The following ERC2 variants were observed in gnomAD, a reference collection of about 807,000 sequenced individuals.
ERC2 encodes the protein ELKS/RAB6-interacting/CAST family member 2.
Under a neutral mutation model 114.8 loss-of-function variants are expected in ERC2, and 42 were observed. The observed-to-expected ratio is 0.37, with a 90% CI of 0.29 to 0.47. The LOEUF is 0.47. ERC2 is among the 20% of genes least tolerant of loss of function. The pLI is 0.99. For missense variants in ERC2, 939 were observed against 1,150.7 expected (o/e 0.82, Z 2.66); for synonymous variants, 454 against 425.5 (o/e 1.07, Z -0.82).
At chr3:55,948,387 C>T (rs569416788) in intron 13 of ERC2, among the ~76,000 whole-genome samples, 1 of 152,282 alleles carries the variant, frequency 6.6e-6, no homozygotes, top group South Asian at 2.1e-4. Flanking sequence ...AACAGGCTAA[C>T]TTGTAAACAG....
At position 55,643,556 on chromosome 3, in the gene ERC2, G is replaced by A. The variant is rs569342900; in HGVS notation, c.*39+40238C>T. 6.6e-5 allele frequency among the ~76,000 whole-genome samples: 10 copies of A among 152,184 alleles called. No homozygotes were observed. The East Asian group carries it at 9.7e-4, about 15-fold the overall frequency. On this transcript the variant is annotated intron_variant, in intron 17 of 17. Transcript: ENST00000288221. ...GGCAAGCCACTCAATCTGTCTGTACGTCACTTTCCTCGTCTGTAAGATGGA... is the reference window on the plus strand; with the variant it reads ...GGCAAGCCACTCAATCTGTCTGTACATCACTTTCCTCGTCTGTAAGATGGA...
chr3:56,065,175 C>A (rs1277797380), intron 7 of ERC2, among the ~76,000 whole-genome samples: 5 of 152,058 alleles, frequency 3.3e-5, no homozygotes, highest in African/African-American at 9.7e-5. Context: ...TTTAAATAAT[C>A]CGGGTCCCCC....
At chr3:55,698,140 T>C (rs930579513) in intron 16 of ERC2, among the ~76,000 whole-genome samples, 9 of 152,034 alleles carry the variant, frequency 5.9e-5, no homozygotes, top group Admixed American at 3.9e-4. Flanking sequence ...TCATGCCCTG[T>C]CTGTACTTGG....
At chr3:56,067,482 T>A (rs2076535229) in intron 7 of ERC2, among the ~76,000 whole-genome samples, 1 of 152,214 alleles carries the variant, frequency 6.6e-6, no homozygotes. Context: ...TATAGGATCA[T>A]GTCATCTGCA....
intron 7 of ERC2, among the ~76,000 whole-genome samples, chr3:56,046,517 C>G (rs1272970979): frequency 2.0e-5 from 3 of 152,200 alleles, no homozygotes; most frequent in Admixed American, 6.5e-5. Context: ...TCACCAGTTA[C>G]TTATGACAAT....
intron 2 of ERC2, among the ~76,000 whole-genome samples, chr3:56,312,341 G>T (rs970044744): frequency 5.3e-5 from 8 of 152,196 alleles, no homozygotes; most frequent in Admixed American, 2.6e-4. Context: ...TGAAAAGGAA[G>T]ATGAGGAGAG....
At chr3:56,432,227 T>C (rs1217675350) in intron 2 of ERC2, among the ~76,000 whole-genome samples, 1 of 152,152 alleles carries the variant, frequency 6.6e-6, no homozygotes, top group African/African-American at 2.4e-5. Flanking sequence ...AATATACATG[T>C]ATAATTGGGG....
rs939915791 is a variant in ERC2 at position 56,173,484 on chromosome 3, C to T, written c.1111G>A (p.Ala371Thr). The T allele has an allele frequency of 1.2e-6, 2 of 1,613,952 alleles. No homozygotes were observed. Among genetic ancestry groups the T allele is most frequent in the Non-Finnish European group, 1.7e-6 (2 of 1,179,852 alleles). The change falls in exon 4 of 18, where the codon GCC becomes ACC. Residue 371 changes from alanine to threonine, a missense_variant. Around this residue, in one of 5 missense-constraint regions of ERC2, gnomAD observed 148 missense variants for 159.1 expected, o/e 0.93. Transcript: ENST00000288221. ...ACAGTCTGGAGAGCCTTCGTCTTGG[C>T]TGGCTCCGGCTGAAGTTGGCTTCTT... is the stretch of plus-strand genomic sequence containing the variant. ...HRRSQLQPEP[A>T]KTKALQTVIE...
At chr3:55,841,491 A>G (rs1278791181) in intron 14 of ERC2, among the ~76,000 whole-genome samples, 1 of 152,162 alleles carries the variant, frequency 6.6e-6, no homozygotes, top group Non-Finnish European at 1.5e-5. Context: ...TCCTTTATAA[A>G]TTACCCAGTC....
At chr3:56,081,679 TAA>T (rs559010263) in intron 6 of ERC2, among the ~76,000 whole-genome samples, 152 of 152,018 alleles carry the variant, frequency 1.0e-3, no homozygotes, top group African/African-American at 3.4e-3. Context: ...AAAGAAAATA[TAA>T]GTTTTTTTTT....
At chr3:56,388,115 C>T (rs1471360230) in intron 2 of ERC2, among the ~76,000 whole-genome samples, 2 of 152,130 alleles carry the variant, frequency 1.3e-5, no homozygotes, top group East Asian at 3.8e-4. Context: ...CCAACATGGG[C>T]TAAGGACTAT....
chr3:55,667,706 T>C (rs1415504522), intron 17 of ERC2, among the ~76,000 whole-genome samples: 1 of 152,214 alleles, frequency 6.6e-6, no homozygotes, highest in Non-Finnish European at 1.5e-5. Context: ...CTAACTCACT[T>C]TGCCCCCCAA....
chr3:56,460,275 C>T (rs1388847936), intron 1 of ERC2, among the ~76,000 whole-genome samples: 1 of 152,138 alleles, frequency 6.6e-6, no homozygotes, highest in East Asian at 1.9e-4. Context: ...ATTGTGGGGC[C>T]ACTCATTGTT....
At chr3:56,409,876 C>G (rs2060877180) in intron 2 of ERC2, among the ~76,000 whole-genome samples, 2 of 152,152 alleles carry the variant, frequency 1.3e-5, no homozygotes, top group Non-Finnish European at 2.9e-5. Context: ...TGTGGGCTTT[C>G]CACGCTATCT....
intron 17 of ERC2, among the ~76,000 whole-genome samples, chr3:55,656,654 G>A (rs973996026): frequency 6.6e-6 from 1 of 152,226 alleles, no homozygotes; most frequent in African/African-American, 2.4e-5. Context: ...TCTGAAAGAT[G>A]TATAGACCAA....
intron 3 of ERC2, 83 bp downstream of exon 3, chr3:56,295,936 A>G: frequency 7.2e-7 from 1 of 1,397,766 alleles, no homozygotes; most frequent in Non-Finnish European, 9.5e-7. Flanking sequence ...GGATGTAGAT[A>G]TCTTCCAACC....
At chr3:56,179,744 A>G (rs1029196503) in intron 3 of ERC2, among the ~76,000 whole-genome samples, 4 of 151,870 alleles carry the variant, frequency 2.6e-5, no homozygotes, top group Non-Finnish European at 5.9e-5. Flanking sequence ...ATTGGGAAGG[A>G]AAGGTGGGAG....
intron 6 of ERC2, among the ~76,000 whole-genome samples, chr3:56,088,984 A>G (rs745929640): frequency 6.6e-6 from 1 of 152,196 alleles, no homozygotes; most frequent in Non-Finnish European, 1.5e-5. Flanking sequence ...GGAAGAGTGG[A>G]GAACCAGCAA....
intron 2 of ERC2, among the ~76,000 whole-genome samples, chr3:56,385,288 T>C (rs903049730): frequency 5.9e-5 from 9 of 152,166 alleles, no homozygotes; most frequent in African/African-American, 2.2e-4. Flanking sequence ...CCTCATATTG[T>C]AGAAGAGGCC....
Sources: allele counts gnomAD v4.1 joint callset (sites outside exome capture counted in the v4.1 genomes callset), GRCh38; gene constraint gnomAD v4.1.1; regional missense constraint gnomAD v4.1.1; transcripts MANE v1.5; gene names NCBI Gene and HGNC (gene_info 2026-07-23, HGNC 2026-07-21).